RAP1GDS1: variants seen among roughly 807,000 people sequenced by gnomAD.
RAP1GDS1 encodes the protein Rap1 GTPase-GDP dissociation stimulator 1.
RAP1GDS1 carries 35 observed loss-of-function variants against 71.1 expected under a neutral mutation model. The ratio of observed to expected loss-of-function variants is 0.49; its 90% CI spans 0.38 to 0.65. RAP1GDS1 has a LOEUF of 0.65. Among genes scored for constraint, RAP1GDS1 ranks in the 30% least tolerant of loss-of-function variants. RAP1GDS1 has a pLI of 0.00. For synonymous variants in RAP1GDS1, 229 were observed against 243.1 expected (o/e 0.94, Z 0.54); for missense variants, 663 against 706.1 (o/e 0.94, Z 0.69).
At chr4:98,420,279 G>T in intron 11 of RAP1GDS1, 135 bp downstream of exon 11, 1 of 715,382 alleles carries the variant, frequency 1.4e-6, no homozygotes, top group Non-Finnish European at 1.9e-6. Flanking sequence ...TTAAAAGTTG[G>T]TTTTGGAACT....
intron 12 of RAP1GDS1, among the ~76,000 whole-genome samples, chr4:98,425,335 T>TG (rs1197625902): frequency 6.7e-6 from 1 of 149,260 alleles, no homozygotes; most frequent in African/African-American, 2.5e-5. Context: ...AAAAAAAAAG[T>TG]GGGGGGTATA....
In RAP1GDS1 at chr4:98,436,080, AT is replaced by A. The variant is rs1399495477; in HGVS notation, c.1568-859del. Among the ~76,000 whole-genome samples the A allele has an allele frequency of 9.3e-3, 1,201 of 129,116 alleles. 9 individuals are homozygous for A. The highest frequency in any genetic ancestry group is 0.022 in the Middle Eastern group (6 of 278). 84.7% of individuals were successfully genotyped at this position (129,116 alleles called of 152,430 possible). The stretch of plus-strand genomic sequence containing the variant: ...AGCCAGACGCTGTCTCAAAAAAAAA[AT>A]ATATATATATATATATATCGGTATA... On this transcript the variant is annotated intron_variant, in intron 13 of 14. Coordinates refer to ENST00000408927, the MANE Select transcript of RAP1GDS1 (RefSeq NM_001100427.2).
chr4:98,343,145 AAAC>A lies in RAP1GDS1; in HGVS notation c.122_124del (p.Thr41del). ...TTGTATGTATCTCTTTTAGATACGG[AAAC>A]AAGTGAAAAAATCCAAGCAAGTGGA... is the stretch of plus-strand genomic sequence containing the variant. On this transcript the variant is annotated inframe_deletion, in exon 3 of 15. Transcript: ENST00000408927. 6.2e-7 allele frequency: 1 copy of A among 1,608,574 alleles called. No homozygotes were observed. Among genetic ancestry groups the A allele is most frequent in the Non-Finnish European group, 8.5e-7 (1 of 1,176,602 alleles).
rs185894119 is a variant in RAP1GDS1 at position 98,311,639 on chromosome 4, T to C, written c.112+18124T>C. On this transcript the variant is annotated intron_variant, in intron 2 of 14. Coordinates refer to ENST00000408927, the MANE Select transcript of RAP1GDS1 (RefSeq NM_001100427.2). ...ATGTATATTTATGTGTGTGTGCACA[T>C]GTATGTGTGTGTTTTGAGACAGGGT... Among the ~76,000 whole-genome samples, 30 of 152,296 alleles carry C rather than the reference T, an allele frequency of 2.0e-4. 1 individual carries two copies. The highest frequency in any genetic ancestry group is 1.8e-3 in the Admixed American group (27 of 15,294).
chr4:98,276,636 A>G (rs74439869), intron 1 of RAP1GDS1, among the ~76,000 whole-genome samples: 10,082 of 152,210 alleles, frequency 0.066, 376 homozygotes, highest in Admixed American at 0.13. Context: ...TTTCTCTGCT[A>G]TAACAAAGAC....
chr4:98,341,678 TG>T lies in RAP1GDS1; in HGVS notation c.113-1459del, dbSNP rs557799290. Among the ~76,000 whole-genome samples, 187 of 151,910 alleles carry T rather than the reference TG, an allele frequency of 1.2e-3. 1 individual carries two copies. The highest frequency in any genetic ancestry group is 4.2e-3 in the South Asian group (20 of 4,814). ...GGTCAGAAAAGGAAAGATTTTAACA[TG>T]GCAAATTAAGTTTAGTTCTTTATGG... On this transcript the variant is annotated intron_variant, in intron 2 of 14. Coordinates refer to ENST00000408927, the MANE Select transcript of RAP1GDS1 (RefSeq NM_001100427.2).
intron 12 of RAP1GDS1, among the ~76,000 whole-genome samples, chr4:98,427,533 T>G (rs1403535340): frequency 6.6e-6 from 1 of 152,080 alleles, no homozygotes; most frequent in Non-Finnish European, 1.5e-5. Context: ...GATACAAAAT[T>G]AATGTACACA....
intron 13 of RAP1GDS1, among the ~76,000 whole-genome samples, chr4:98,434,819 C>T (rs1304753893): frequency 6.6e-6 from 1 of 151,980 alleles, no homozygotes; most frequent in Non-Finnish European, 1.5e-5. Context: ...CAGGGTTTCA[C>T]CATGTTGGTC....
chr4:98,261,830 C>A lies in RAP1GDS1; in HGVS notation c.4+261C>A, dbSNP rs1194269431. Reference sequence around the variant, plus strand: ...GCTCCCCGGCACCTCGCAGCCTCGCCTCCCCTCCTCCATTCTTCCTGCCGG... The same window carrying A: ...GCTCCCCGGCACCTCGCAGCCTCGCATCCCCTCCTCCATTCTTCCTGCCGG... On this transcript the variant is annotated intron_variant, in intron 1 of 14. Transcript: ENST00000408927. Among the ~76,000 whole-genome samples, 10 of 152,216 alleles carry A rather than the reference C, an allele frequency of 6.6e-5. No homozygotes were observed. The East Asian group carries it at 1.9e-3, about 30-fold the overall frequency.
chr4:98,402,734 A>C (rs543867031), intron 6 of RAP1GDS1, among the ~76,000 whole-genome samples: 2 of 152,320 alleles, frequency 1.3e-5, no homozygotes, highest in Admixed American at 1.3e-4. Flanking sequence ...AGCAGAATGT[A>C]ACCCTGATAA....
At chr4:98,371,137 C>T (rs773209345) in intron 4 of RAP1GDS1, among the ~76,000 whole-genome samples, 331 of 138,816 alleles carry the variant, frequency 2.4e-3, no homozygotes, top group Non-Finnish European at 3.9e-3. Flanking sequence ...TTTTTTGAGA[C>T]GAAGTCTCTC....
intron 2 of RAP1GDS1, among the ~76,000 whole-genome samples, 199 bp from the exon 3 acceptor site, chr4:98,342,938 GTT>G (rs1735699375): frequency 6.6e-6 from 1 of 151,162 alleles, no homozygotes; most frequent in Non-Finnish European, 1.5e-5. Context: ...ATTATCAAGT[GTT>G]TTGTGCCGAT....
rs561950575 is a variant in RAP1GDS1, at chr4:98,390,686, T to C, written c.509-1266T>C. Among the ~76,000 whole-genome samples the C allele has an allele frequency of 2.0e-5, 3 of 152,256 alleles. No individual in the cohort carries two copies. The South Asian group carries it at 6.2e-4, about 32-fold the overall frequency. On this transcript the variant is annotated intron_variant, in intron 5 of 14. Transcript: ENST00000408927. The stretch of plus-strand genomic sequence containing the variant: ...GCATGTGAGATAGCTCAACTCTGTA[T>C]GTTCTTTTCTGAAAATCACCCACCT...
chr4:98,294,196 T>C (rs1727388079), intron 2 of RAP1GDS1, among the ~76,000 whole-genome samples: 4 of 152,184 alleles, frequency 2.6e-5, no homozygotes, highest in Admixed American at 2.6e-4. Flanking sequence ...TCATTTGTTA[T>C]CTTAATTCTG....
intron 14 of RAP1GDS1, chr4:98,441,593 T>C (rs1364067732): frequency 9.1e-6 from 9 of 985,026 alleles, no homozygotes; most frequent in Non-Finnish European, 1.1e-5. Context: ...ACTTGACGTC[T>C]CGTTTTTCTT....
chr4:98,296,845 T>G lies in RAP1GDS1; in HGVS notation c.112+3330T>G, dbSNP rs538816837. ...TGCAAGAGAAACTATTAGTTTAAATTAAAGTCCCAAAGGCAAGAAAAATTA... is the reference window on the plus strand; with the variant it reads ...TGCAAGAGAAACTATTAGTTTAAATGAAAGTCCCAAAGGCAAGAAAAATTA... On this transcript the variant is annotated intron_variant, in intron 2 of 14. Transcript: ENST00000408927. 10 of 345,728 alleles carry G rather than the reference T, an allele frequency of 2.9e-5. No individual in the cohort carries two copies. The East Asian group carries it at 1.0e-3, about 36-fold the overall frequency. 21.4% of individuals were successfully genotyped at this position (345,728 alleles called of 1,614,324 possible). A position where few individuals can be genotyped will look rare whatever the true frequency, so the allele number is the denominator to read the frequency against.
At chr4:98,379,999 A>C (rs2110106372) in intron 5 of RAP1GDS1, among the ~76,000 whole-genome samples, 1 of 151,830 alleles carries the variant, frequency 6.6e-6, no homozygotes, top group African/African-American at 2.4e-5. Flanking sequence ...CGTGTGTTGT[A>C]GAAACACGTG....
intron 2 of RAP1GDS1, among the ~76,000 whole-genome samples, chr4:98,333,840 A>G (rs1734334763): frequency 6.6e-6 from 1 of 152,130 alleles, no homozygotes; most frequent in African/African-American, 2.4e-5. Flanking sequence ...AACTCAGAAC[A>G]CACAGCTGTT....
At chr4:98,362,078 A>G (rs1269159465) in intron 4 of RAP1GDS1, among the ~76,000 whole-genome samples, 1 of 152,204 alleles carries the variant, frequency 6.6e-6, no homozygotes, top group African/African-American at 2.4e-5. Context: ...TGTCTAAGGT[A>G]CATAATAGAA....
Sources: allele counts gnomAD v4.1 joint callset (sites outside exome capture counted in the v4.1 genomes callset), GRCh38; gene constraint gnomAD v4.1.1; transcripts MANE v1.5; gene names NCBI Gene and HGNC (gene_info 2026-07-23, HGNC 2026-07-21).